The following KLF3 variants were observed in gnomAD, a reference collection of about 807,000 sequenced individuals.
The protein encoded by KLF3 is Krueppel-like factor 3.
A neutral mutation model predicts 32.7 loss-of-function variants in KLF3; 6 were observed. The observed-to-expected ratio is 0.18, with a 90% CI of 0.10 to 0.36. The LOEUF is 0.36. Ranked by LOEUF, KLF3 falls within the 10% of genes least tolerant of loss-of-function variation. KLF3 has a pLI of 1.00. For missense variants in KLF3, 338 were observed against 449.7 expected (o/e 0.75, Z 2.25); for synonymous variants, 145 against 172.8 (o/e 0.84, Z 1.26).
intron 1 of KLF3, among the ~76,000 whole-genome samples, chr4:38,675,140 A>G (rs539156227): frequency 2.0e-5 from 3 of 152,374 alleles, no homozygotes; most frequent in Non-Finnish European, 2.9e-5. Context: ...GCATTTTGAC[A>G]GAAATTTGAC....
chr4:38,676,468 C>G (rs977274498), intron 1 of KLF3, among the ~76,000 whole-genome samples: 1 of 152,118 alleles, frequency 6.6e-6, no homozygotes, highest in Admixed American at 6.6e-5. Context: ...AAATAATAAA[C>G]TTTAAAAATA....
chr4:38,668,692 T>C (rs1722111461), intron 1 of KLF3, among the ~76,000 whole-genome samples: 8 of 152,228 alleles, frequency 5.3e-5, no homozygotes, highest in Admixed American at 5.2e-4. Flanking sequence ...AGCAGGTTTT[T>C]TTGTTTGTTT....
At chr4:38,672,439 C>A (rs1175901337) in intron 1 of KLF3, among the ~76,000 whole-genome samples, 1 of 152,138 alleles carries the variant, frequency 6.6e-6, no homozygotes, top group African/African-American at 2.4e-5. Context: ...CCTTGGATCC[C>A]CCAGGGAGCA....
chr4:38,689,766 G>GA lies in KLF3; in HGVS notation c.589dup (p.Ile197AsnfsTer2). On this transcript the variant is annotated frameshift_variant, in exon 4 of 6. Transcript: ENST00000261438. LOFTEE classifies it high-confidence loss of function. ...AATCATATGAGAAGCCTATATCACA[G>GA]AAAAAAATTAAAATAGAACCTGGGA... 6.2e-7 allele frequency: 1 copy of GA among 1,606,994 alleles called. No individual in the cohort carries two copies. Among genetic ancestry groups the GA allele is most frequent in the Non-Finnish European group, 8.5e-7 (1 of 1,176,240 alleles).
intron 5 of KLF3, among the ~76,000 whole-genome samples, chr4:38,695,800 T>C (rs1723030360): frequency 6.6e-6 from 1 of 152,178 alleles, no homozygotes; most frequent in African/African-American, 2.4e-5. Context: ...TCAAACTCTT[T>C]GATGTGGAAT....
chr4:38,686,388 G>A (rs1722697177), intron 2 of KLF3, among the ~76,000 whole-genome samples: 1 of 145,116 alleles, frequency 6.9e-6, no homozygotes, highest in South Asian at 2.2e-4. Flanking sequence ...CGAGGCTGCA[G>A]TGAGCTATGA....
At chr4:38,690,195 C>G in intron 4 of KLF3, 1 of 299,884 alleles carries the variant, frequency 3.3e-6, no homozygotes, top group Non-Finnish European at 6.1e-6. Flanking sequence ...CTTAGTTTTT[C>G]CATTATGAGA....
In KLF3 at chr4:38,665,517, TAAGTC is replaced by T. The variant is rs923354927; in HGVS notation, c.-40+1061_-40+1065del. 6.6e-5 allele frequency among the ~76,000 whole-genome samples: 10 copies of T among 152,220 alleles called. No homozygotes were observed. In the East Asian group the frequency reaches 1.2e-3, roughly 18 times the overall value. ...GAATGTGAATGAGACTTATTTTTAATAAGTCAAGTTAAACGGAAATTGGAAATTGC... is the reference window on the plus strand; with the variant it reads ...GAATGTGAATGAGACTTATTTTTAATAAGTTAAACGGAAATTGGAAATTGC... On this transcript the variant is annotated intron_variant, in intron 1 of 5. Coordinates refer to ENST00000261438, the MANE Select transcript of KLF3 (RefSeq NM_016531.6).
chr4:38,694,839 T>C lies in KLF3; in HGVS notation c.789T>C (p.Asp263=). Residue 263 remains aspartate (D), a synonymous_variant, in exon 5 of 6, where the codon GAT becomes GAC. Transcript: ENST00000261438. ...TQRKRRIHRC[D]YDGCNKVYTK... ...GGAAGCGGAGGATACACAGATGTGA[T>C]TATGATGGATGCAACAAAGTGTACA... 2 of 1,609,382 alleles carry C rather than the reference T, an allele frequency of 1.2e-6. No individual in the cohort carries two copies. Among genetic ancestry groups the C allele is most frequent in the Non-Finnish European group, 1.7e-6 (2 of 1,178,342 alleles).
chr4:38,680,777 G>T, intron 2 of KLF3, 95 bp downstream of exon 2: 1 of 1,054,532 alleles, frequency 9.5e-7, no homozygotes, highest in Non-Finnish European at 1.5e-6. Flanking sequence ...ATGGCCGGGC[G>T]TGGTGGCTCA....
chr4:38,692,950 CTG>C (rs1425947554), intron 4 of KLF3, among the ~76,000 whole-genome samples: 2 of 151,264 alleles, frequency 1.3e-5, no homozygotes, highest in East Asian at 1.9e-4. Context: ...TAAAAATAAA[CTG>C]AACTTTTTTC....
At chr4:38,668,963 T>C (rs1379117175) in intron 1 of KLF3, among the ~76,000 whole-genome samples, 1 of 152,226 alleles carries the variant, frequency 6.6e-6, no homozygotes, top group Non-Finnish European at 1.5e-5. Flanking sequence ...ACCATATAAA[T>C]CATGATTCCT....
rs1224823649 is a variant in KLF3 at position 38,671,669 on chromosome 4, G to A, written c.-40+7208G>A. On this transcript the variant is annotated intron_variant, in intron 1 of 5. Transcript: ENST00000261438. This position sits in a 1 kb window ranked among gnomAD's most constrained non-coding sequence, Gnocchi z 4.4. ...CCTTGGGTTCAAGTCCTGGCTCTAC[G>A]AGTTAGCAGCTGTGTGATGTTAGGC... is the stretch of plus-strand genomic sequence containing the variant. Among the ~76,000 whole-genome samples the A allele has an allele frequency of 6.6e-6, 1 of 152,192 alleles. No homozygotes were observed. Among genetic ancestry groups the A allele is most frequent in the African/African-American group, 2.4e-5 (1 of 41,444 alleles).
At chr4:38,676,164 G>A (rs1722343636) in intron 1 of KLF3, among the ~76,000 whole-genome samples, 1 of 152,120 alleles carries the variant, frequency 6.6e-6, no homozygotes, top group Non-Finnish European at 1.5e-5. Context: ...AACTTGGCCG[G>A]GTGTAGTGGC....
chr4:38,671,897 G>T lies in KLF3; in HGVS notation c.-40+7436G>T, dbSNP rs952143469. The stretch of plus-strand genomic sequence containing the variant: ...GTTTGTGCACACACCCCTTCCCCTT[G>T]CAGTTCCCCCCCACCTGCCTCCTCT... On this transcript the variant is annotated intron_variant, in intron 1 of 5. Coordinates refer to ENST00000261438, the MANE Select transcript of KLF3 (RefSeq NM_016531.6). The surrounding 1 kb of genome is among the most constrained non-coding windows in gnomAD (Gnocchi z 4.4). Among the ~76,000 whole-genome samples the T allele has an allele frequency of 6.6e-6, 1 of 151,846 alleles. No homozygotes were observed. Among genetic ancestry groups the T allele is most frequent in the Non-Finnish European group, 1.5e-5 (1 of 67,974 alleles).
chr4:38,682,759 G>A (rs867334078), intron 2 of KLF3, among the ~76,000 whole-genome samples: 3 of 152,158 alleles, frequency 2.0e-5, no homozygotes, highest in African/African-American at 7.2e-5. Context: ...TTGTATTGTT[G>A]TAACGTAGTA....
chr4:38,687,606 C>T (rs1001375499), intron 2 of KLF3, among the ~76,000 whole-genome samples: 2 of 152,190 alleles, frequency 1.3e-5, no homozygotes, highest in African/African-American at 4.8e-5. Context: ...GCCCCAGCCT[C>T]ATTTGATGAG....
chr4:38,687,941 G>T (rs1421854105), intron 2 of KLF3, among the ~76,000 whole-genome samples: 1 of 152,138 alleles, frequency 6.6e-6, no homozygotes, highest in East Asian at 1.9e-4. Flanking sequence ...ACAGTTCCAC[G>T]CTGACTAGGA....
At chr4:38,686,461 AAAG>A (rs1722700855) in intron 2 of KLF3, among the ~76,000 whole-genome samples, 1 of 148,590 alleles carries the variant, frequency 6.7e-6, no homozygotes, top group Non-Finnish European at 1.5e-5. Context: ...AAAAAAAAAA[AAAG>A]AAAAGAAAAT....
Sources: allele counts gnomAD v4.1 joint callset (sites outside exome capture counted in the v4.1 genomes callset), GRCh38; gene constraint gnomAD v4.1.1; non-coding constraint Gnocchi (gnomAD v3.1); transcripts MANE v1.5; gene names NCBI Gene and HGNC (gene_info 2026-07-23, HGNC 2026-07-21).